TAFA1: variants seen among roughly 807,000 people sequenced by gnomAD.
TAFA1 encodes the protein TAFA chemokine like family member 1.
TAFA1 carries 4 observed loss-of-function variants against 18.5 expected under a neutral mutation model. The observed-to-expected ratio is 0.22, with a 90% CI of 0.11 to 0.49. The LOEUF is 0.49. Among genes scored for constraint, TAFA1 ranks in the 20% least tolerant of loss-of-function variants. The pLI, the probability that TAFA1 is intolerant of heterozygous loss-of-function variation, is 0.98. For missense variants in TAFA1, 147 were observed against 169.0 expected (o/e 0.87, Z 0.72); for synonymous variants, 56 against 55.2 (o/e 1.01, Z -0.06).
At chr3:68,233,765 C>T (rs2066897378) in intron 2 of TAFA1, among the ~76,000 whole-genome samples, 3 of 152,050 alleles carry the variant, frequency 2.0e-5, no homozygotes, top group Non-Finnish European at 2.9e-5. Context: ...CTGGAACTTC[C>T]AGGATAAAGG....
intron 2 of TAFA1, chr3:68,145,474 C>A: frequency 1.1e-6 from 1 of 889,418 alleles, no homozygotes; most frequent in Non-Finnish European, 1.9e-6. Context: ...AAGTTGATTC[C>A]ACCACAAGAA....
intron 2 of TAFA1, among the ~76,000 whole-genome samples, chr3:68,316,630 C>A (rs1046232196): frequency 6.6e-6 from 1 of 152,082 alleles, no homozygotes; most frequent in African/African-American, 2.4e-5. Flanking sequence ...TGAGTGAATT[C>A]TGAATTCATT....
At chr3:68,066,989 C>G (rs370321999) in intron 2 of TAFA1, among the ~76,000 whole-genome samples, 1 of 152,066 alleles carries the variant, frequency 6.6e-6, no homozygotes, top group Non-Finnish European at 1.5e-5. Flanking sequence ...AAGTCTTTGA[C>G]ATGGTATCAA....
chr3:68,537,728 GA>G (rs1277578379), intron 3 of TAFA1, among the ~76,000 whole-genome samples: 1 of 152,154 alleles, frequency 6.6e-6, no homozygotes, highest in Admixed American at 6.5e-5. Context: ...CTATGTCAAA[GA>G]AGCATATTTT....
At chr3:68,531,123 G>A (rs2073182930) in intron 3 of TAFA1, among the ~76,000 whole-genome samples, 1 of 152,102 alleles carries the variant, frequency 6.6e-6, no homozygotes, top group Non-Finnish European at 1.5e-5. Flanking sequence ...GTGTAAGCTT[G>A]GGAAAGTTAC....
At chr3:68,177,879 T>A (rs1366399231) in intron 2 of TAFA1, among the ~76,000 whole-genome samples, 3 of 152,186 alleles carry the variant, frequency 2.0e-5, no homozygotes, top group Non-Finnish European at 1.5e-5. Flanking sequence ...GCATGGTGGC[T>A]CACGCCTGTA....
At chr3:68,181,424 G>A (rs2066197944) in intron 2 of TAFA1, among the ~76,000 whole-genome samples, 1 of 151,566 alleles carries the variant, frequency 6.6e-6, no homozygotes, top group South Asian at 2.1e-4. Flanking sequence ...AGTGAAGGCA[G>A]TAAATTTTTC....
chr3:68,346,084 C>G (rs1370347852), intron 2 of TAFA1, among the ~76,000 whole-genome samples: 2 of 152,056 alleles, frequency 1.3e-5, no homozygotes, highest in Non-Finnish European at 2.9e-5. Flanking sequence ...ATTGAGAAGC[C>G]AAAATATTTA....
chr3:68,280,817 A>G lies in TAFA1; in HGVS notation c.119-136463A>G, dbSNP rs180851287. Among the ~76,000 whole-genome samples the G allele has an allele frequency of 2.6e-5, 4 of 152,176 alleles. No individual in the cohort carries two copies. In the East Asian group the frequency reaches 7.7e-4, roughly 29 times the overall value. On this transcript the variant is annotated intron_variant, in intron 2 of 4. Transcript: ENST00000478136. ...ACATGACAATAATAAAACTGCATTT[A>G]CTCTCAGGATAATAACCAGTTTCTT...
chr3:68,199,441 C>A (rs1440769554), intron 2 of TAFA1, among the ~76,000 whole-genome samples: 8 of 151,492 alleles, frequency 5.3e-5, no homozygotes, highest in Non-Finnish European at 8.9e-5. Context: ...AATTATAGAT[C>A]AAGCTGGGAA....
intron 2 of TAFA1, among the ~76,000 whole-genome samples, chr3:68,039,918 C>A (rs1705129308): frequency 6.6e-6 from 1 of 152,094 alleles, no homozygotes; most frequent in Non-Finnish European, 1.5e-5. Context: ...AGCACATTGG[C>A]TGGGGATGCT....
chr3:68,106,472 T>C (rs1012612574), intron 2 of TAFA1, among the ~76,000 whole-genome samples: 3 of 152,160 alleles, frequency 2.0e-5, no homozygotes. Flanking sequence ...TGACTGGTGA[T>C]TGTTGTGTTG....
intron 2 of TAFA1, among the ~76,000 whole-genome samples, chr3:68,370,454 A>G (rs368763722): frequency 0.02 from 779 of 39,704 alleles, 8 homozygotes; most frequent in East Asian, 0.082. Context: ...ATGTATATAT[A>G]TGTGTGTGTG....
intron 2 of TAFA1, among the ~76,000 whole-genome samples, chr3:68,069,018 G>A (rs1295212643): frequency 3.9e-5 from 6 of 152,210 alleles, no homozygotes; most frequent in Non-Finnish European, 5.9e-5. Context: ...GCAGAGCTAT[G>A]CATTTTTGGA....
chr3:68,282,889 T>C (rs1270251808), intron 2 of TAFA1, among the ~76,000 whole-genome samples: 1 of 152,176 alleles, frequency 6.6e-6, no homozygotes, highest in African/African-American at 2.4e-5. Flanking sequence ...GAAAGGGGCC[T>C]TGGAGCTTGT....
intron 2 of TAFA1, among the ~76,000 whole-genome samples, chr3:68,225,204 G>C (rs2066783018): frequency 6.6e-6 from 1 of 151,874 alleles, no homozygotes; most frequent in Non-Finnish European, 1.5e-5. Context: ...CACCACACCT[G>C]GCTGGCTCAT....
chr3:67,998,035 CAT>C, the TAFA1 span, among the ~76,000 whole-genome samples: 1,305 of 151,124 alleles, frequency 8.6e-3, 23 homozygotes, highest in African/African-American at 0.03. Context: ...ACATAAAAAA[CAT>C]ATATTAAACA....
intron 2 of TAFA1, among the ~76,000 whole-genome samples, chr3:68,298,458 C>A (rs988688428): frequency 5.3e-5 from 8 of 151,960 alleles, no homozygotes; most frequent in Admixed American, 2.6e-4. Context: ...CAGCAGTGAT[C>A]AAAAAATCTT....
At chr3:68,016,467 C>G (rs908625086) in intron 2 of TAFA1, among the ~76,000 whole-genome samples, 23 of 152,024 alleles carry the variant, frequency 1.5e-4, no homozygotes, top group African/African-American at 4.8e-4. Flanking sequence ...CACTTAGGTA[C>G]TAGAGTTAGG....
Sources: gnomAD v4.1 joint callset for allele counts (sites outside exome capture counted in the v4.1 genomes callset) on GRCh38, gnomAD v4.1.1 for gene constraint, MANE v1.5 for transcripts, NCBI Gene and HGNC (gene_info 2026-07-23, HGNC 2026-07-21) for gene names.